Variants in TMEM132D observed in about 807,000 individuals in gnomAD.
The protein encoded by TMEM132D is transmembrane protein 132D.
Under a neutral mutation model 62.3 loss-of-function variants are expected in TMEM132D, and 21 were observed. That is an observed-to-expected ratio of 0.34 (90% confidence interval 0.24 to 0.49). The LOEUF (loss-of-function observed/expected upper bound fraction) is 0.49, where lower values mean the gene tolerates loss of function less well. Among genes scored for constraint, TMEM132D ranks in the 20% least tolerant of loss-of-function variants. The pLI is 0.99. For missense variants in TMEM132D, 1,346 were observed against 1,402.8 expected, an observed-to-expected ratio of 0.96 and a Z score of 0.65; for synonymous variants, 621 against 575.6, an observed-to-expected ratio of 1.08 and a Z score of -1.13.
chr12:129,328,741 G>T (rs1869003114), intron 4 of TMEM132D, among the ~76,000 whole-genome samples: 1 of 151,948 alleles, frequency 6.6e-6, no homozygotes, highest in African/African-American at 2.4e-5. Flanking sequence ...TTTGCATATG[G>T]AACTGATCAA....
At chr12:129,500,532 C>A (rs979624243) in intron 3 of TMEM132D, among the ~76,000 whole-genome samples, 1 of 152,056 alleles carries the variant, frequency 6.6e-6, no homozygotes, top group African/African-American at 2.4e-5. Flanking sequence ...GCTACCACAG[C>A]AGGTAAAACC....
intron 2 of TMEM132D, among the ~76,000 whole-genome samples, chr12:129,604,730 T>G (rs1022440186): frequency 3.9e-5 from 6 of 152,212 alleles, no homozygotes; most frequent in Admixed American, 1.3e-4. Context: ...AGCATTATCA[T>G]ACTTAGATAC....
intron 4 of TMEM132D, among the ~76,000 whole-genome samples, chr12:129,323,325 CGTTTCATTA>C (rs1464264348): frequency 6.6e-6 from 1 of 152,116 alleles, no homozygotes; most frequent in Non-Finnish European, 1.5e-5. Context: ...TGCACACCAT[CGTTTCATTA>C]GAGAAATTGA....
chr12:129,860,682 G>A (rs1390582766), intron 1 of TMEM132D, among the ~76,000 whole-genome samples: 1 of 152,160 alleles, frequency 6.6e-6, no homozygotes, highest in Non-Finnish European at 1.5e-5. Context: ...ATCCGAGACT[G>A]GGTAATATAT....
intron 5 of TMEM132D, among the ~76,000 whole-genome samples, chr12:129,187,231 G>C (rs1025803712): frequency 7.3e-6 from 1 of 137,808 alleles, no homozygotes; most frequent in Non-Finnish European, 1.6e-5. Flanking sequence ...CCAGGTGGAG[G>C]AAGACAAAAA....
rs572011195 is a variant in TMEM132D, at chr12:129,766,717, A to AC, written c.80-66020dup. Among the ~76,000 whole-genome samples the AC allele has an allele frequency of 2.6e-5, 4 of 151,928 alleles. No individual in the cohort carries two copies. In the East Asian group the frequency reaches 7.8e-4, roughly 29 times the overall value. ...ACCCTTATCCTTTATGAGCTCTTAT[A>AC]CCCCCTCTATGCACCTCCTAGTGAC... On this transcript the variant is annotated intron_variant, in intron 1 of 8. Transcript: ENST00000422113.
At chr12:129,485,447 G>A (rs1593032617) in intron 3 of TMEM132D, among the ~76,000 whole-genome samples, 1 of 152,238 alleles carries the variant, frequency 6.6e-6, no homozygotes, top group African/African-American at 2.4e-5. Flanking sequence ...GCTACAGTGA[G>A]TGCTGGGAGG....
intron 3 of TMEM132D, among the ~76,000 whole-genome samples, chr12:129,436,877 T>G (rs1280589390): frequency 6.6e-6 from 1 of 152,144 alleles, no homozygotes; most frequent in Non-Finnish European, 1.5e-5. Flanking sequence ...AAAGCAAGAA[T>G]GAGATTTAAA....
At chr12:129,880,631 C>T (rs909411029) in intron 1 of TMEM132D, among the ~76,000 whole-genome samples, 1 of 152,140 alleles carries the variant, frequency 6.6e-6, no homozygotes, top group Non-Finnish European at 1.5e-5. Flanking sequence ...GATTACACCA[C>T]ACGCGAAGTA....
At chr12:129,678,704 T>C (rs1880702258) in intron 2 of TMEM132D, among the ~76,000 whole-genome samples, 1 of 152,120 alleles carries the variant, frequency 6.6e-6, no homozygotes, top group Non-Finnish European at 1.5e-5. Flanking sequence ...CTAAATCCTT[T>C]TCTCTCAGAG....
chr12:129,400,518 A>C (rs1432802092), intron 3 of TMEM132D, among the ~76,000 whole-genome samples: 1 of 152,160 alleles, frequency 6.6e-6, no homozygotes, highest in African/African-American at 2.4e-5. Context: ...AGAAACTAAG[A>C]ACCCATGACT....
chr12:129,125,174 T>G (rs2135658189), intron 5 of TMEM132D, among the ~76,000 whole-genome samples: 1 of 152,296 alleles, frequency 6.6e-6, no homozygotes, highest in East Asian at 1.9e-4. Context: ...TGTGTTCATT[T>G]CCAGAGGAAT....
At chr12:129,147,261 T>TATGTGTATATGTATATATATAC (rs1876931418) in intron 5 of TMEM132D, among the ~76,000 whole-genome samples, 1 of 142,386 alleles carries the variant, frequency 7.0e-6, no homozygotes, top group African/African-American at 2.7e-5. Context: ...TATATATACA[T>TATGTGTATATGTATATATATAC]ATGTGCATAT....
rs1871035920 is a variant in TMEM132D at position 129,779,061 on chromosome 12, C to A, written c.80-78363G>T. On this transcript the variant is annotated intron_variant, in intron 1 of 8. Transcript: ENST00000422113. This position sits in a 1 kb window ranked among gnomAD's most constrained non-coding sequence, Gnocchi z 4.1. ...CTCCATGGCTGAGAGGGAGCCTGAC[C>A]CCTTGCCTCTTTTTCCGTCAATGTC... Among the ~76,000 whole-genome samples, 1 of 152,142 alleles carries A rather than the reference C, an allele frequency of 6.6e-6. No homozygotes were observed.
rs1016889381 is a variant in TMEM132D at position 129,761,293 on chromosome 12, G to A, written c.80-60595C>T. Among the ~76,000 whole-genome samples, 8 of 152,178 alleles carry A rather than the reference G, an allele frequency of 5.3e-5. No homozygotes were observed. The East Asian group carries it at 1.4e-3, about 26-fold the overall frequency. The stretch of plus-strand genomic sequence containing the variant: ...GGGCTGGACCACCATGATGAAAGAC[G>A]GTGGGCACGGTTCCTGCACACTTCT... On this transcript the variant is annotated intron_variant, in intron 1 of 8. Coordinates refer to ENST00000422113, the MANE Select transcript of TMEM132D (RefSeq NM_133448.3).
chr12:129,502,203 G>A (rs1875169705), intron 3 of TMEM132D, among the ~76,000 whole-genome samples: 1 of 151,916 alleles, frequency 6.6e-6, no homozygotes, highest in African/African-American at 2.4e-5. Context: ...GTTTCACTGT[G>A]TTAGCCAGGA....
At chr12:129,533,846 G>A (rs1338611805) in intron 2 of TMEM132D, among the ~76,000 whole-genome samples, 1 of 152,110 alleles carries the variant, frequency 6.6e-6, no homozygotes, top group East Asian at 1.9e-4. Flanking sequence ...ACATTTCTAG[G>A]GCATGTTTTA....
chr12:129,135,145 G>A (rs1253586892), intron 5 of TMEM132D, among the ~76,000 whole-genome samples: 1 of 152,216 alleles, frequency 6.6e-6, no homozygotes, highest in Non-Finnish European at 1.5e-5. Context: ...TCAAGATGGA[G>A]AGGTTGGGAA....
At position 129,285,539 on chromosome 12, in the gene TMEM132D, A is replaced by AAAAAAAAAAAAAAAAGAG. The variant is rs56018646; in HGVS notation, c.1299+52094_1299+52095insCTCTTTTTTTTTTTTTTT. Among the ~76,000 whole-genome samples the AAAAAAAAAAAAAAAAGAG allele has an allele frequency of 5.8e-3, 520 of 89,872 alleles. 24 individuals carry two copies. Among genetic ancestry groups the AAAAAAAAAAAAAAAAGAG allele is most frequent in the African/African-American group, 0.013 (344 of 25,588 alleles). The allele number at this position is 89,872 out of a possible 152,430, so 59.0% of individuals were successfully genotyped here. A position where few individuals can be genotyped will look rare whatever the true frequency, so the allele number is the denominator to read the frequency against. ...GAGACTGTGTCTCAAAAAAAAAAAA[A>AAAAAAAAAAAAAAAAGAG]AGAGAGAGAGAGAGAGGCTCCCATT... On this transcript the variant is annotated intron_variant, in intron 4 of 8. Transcript: ENST00000422113.
Sources: allele counts gnomAD v4.1 joint callset (sites outside exome capture counted in the v4.1 genomes callset), GRCh38; gene constraint gnomAD v4.1.1; non-coding constraint Gnocchi (gnomAD v3.1); transcripts MANE v1.5; gene names NCBI Gene and HGNC (gene_info 2026-07-23, HGNC 2026-07-21).